MYEF2: variants seen among roughly 807,000 people sequenced by gnomAD.
MYEF2 encodes myelin expression factor 2.
In MYEF2, 37 loss-of-function variants were observed where a neutral mutation model predicts 75.2. The observed-to-expected ratio is 0.49, with a 90% confidence interval of 0.38 to 0.65. MYEF2 has a LOEUF of 0.65. Among genes scored for constraint, MYEF2 ranks in the 30% least tolerant of loss-of-function variants. The pLI is 0.00. For synonymous variants in MYEF2, 195 were observed against 241.6 expected, an observed-to-expected ratio of 0.81 and a Z score of 1.79; for missense variants, 634 against 771.4, an observed-to-expected ratio of 0.82 and a Z score of 2.11.
At position 48,141,654 on chromosome 15, in the gene MYEF2, T is replaced by G. The variant is rs2039092066; in HGVS notation, c.*1254A>C. ...TACTTTGAAGGGGGAAAAAAGTGAC[T>G]CCAGAGGAAAAGTTTACTATTTAAT... On this transcript the variant is annotated 3_prime_UTR_variant, in exon 17 of 17. Transcript: ENST00000324324. The G allele has an allele frequency of 6.0e-6, 1 of 166,134 alleles. No homozygotes were observed. The highest frequency in any genetic ancestry group is 2.4e-5 in the African/African-American group (1 of 41,598). 10.3% of individuals were successfully genotyped at this position (166,134 alleles called of 1,614,324 possible).
rs772527555 is a variant in MYEF2, at chr15:48,151,083, G to GTAAAA, written c.1378+12_1378+16dup. ...CTCAAATATTACTGAATAAATTCTA[G>GTAAAA]TAAAATTTAAACCTACTTATTCCAG... On this transcript the variant is annotated intron_variant, in intron 14 of 16. Transcript: ENST00000324324. 1 of 1,564,302 alleles carries GTAAAA rather than the reference G, an allele frequency of 6.4e-7. No homozygotes were observed. The highest frequency in any genetic ancestry group is 8.7e-7 in the Non-Finnish European group (1 of 1,145,552).
chr15:48,167,335 C>T lies in MYEF2; in HGVS notation c.423+14G>A. 1 of 1,612,334 alleles carries T rather than the reference C, an allele frequency of 6.2e-7. No individual in the cohort carries two copies. Among genetic ancestry groups the T allele is most frequent in the African/African-American group, 1.3e-5 (1 of 75,000 alleles). Reference sequence around the variant, plus strand: ...CTTTTAAACCTCAAGCAGATTATTGCCCACAGCACTTACCCTTGATTTTCC... The same window carrying T: ...CTTTTAAACCTCAAGCAGATTATTGTCCACAGCACTTACCCTTGATTTTCC... On this transcript the variant is annotated intron_variant, in intron 3 of 16. Transcript: ENST00000324324.
chr15:48,170,360 T>C (rs8036007), intron 1 of MYEF2, among the ~76,000 whole-genome samples: 150,755 of 151,860 alleles, frequency 0.99, 74,844 homozygotes, highest in South Asian at 1. Context: ...TCCTGACCTC[T>C]GGTGATCCAC....
rs752402074 is a variant in MYEF2 at position 48,139,072 on chromosome 15, T to C, written c.*3836A>G. ...TACTTTTTCTAACCACACCAGATTG[T>C]AGAAAAAAGTTTTGGAAAAACTACT... On this transcript the variant is annotated 3_prime_UTR_variant, in exon 17 of 17. Coordinates refer to ENST00000324324, the MANE Select transcript of MYEF2 (RefSeq NM_016132.5). 15 of 1,612,968 alleles carry C rather than the reference T, an allele frequency of 9.3e-6. No homozygotes were observed. The highest frequency in any genetic ancestry group is 1.7e-5 in the Admixed American group (1 of 59,970).
chr15:48,166,023 C>T lies in MYEF2; in HGVS notation c.435G>A (p.Val145=), dbSNP rs2040120140. The T allele has an allele frequency of 1.3e-6, 2 of 1,590,266 alleles. No homozygotes were observed. Among genetic ancestry groups the T allele is most frequent in the South Asian group, 1.1e-5 (1 of 87,090 alleles). ...DAEGKSRGCG[V]VEFKDEEFVK... ...CAAATTCTTCATCTTTGAATTCAAC[C>T]ACACTTAATAGGGAAAAAATTTATA... The change falls in exon 5 of 17, where the codon GTG becomes GTA. Residue 145 remains valine, a synonymous_variant. Coordinates refer to ENST00000324324, the MANE Select transcript of MYEF2 (RefSeq NM_016132.5).
At chr15:48,152,029 G>T in intron 11 of MYEF2, 87 bp from the exon 12 acceptor site, 1 of 1,346,246 alleles carries the variant, frequency 7.4e-7, no homozygotes, top group Non-Finnish European at 1.1e-6. Context: ...TCACCAGTAA[G>T]CTCTTCATCC....
chr15:48,139,212 A>G lies in MYEF2; in HGVS notation c.*3696T>C. On this transcript the variant is annotated 3_prime_UTR_variant, in exon 17 of 17. Coordinates refer to ENST00000324324, the MANE Select transcript of MYEF2 (RefSeq NM_016132.5). Reference sequence around the variant, plus strand: ...AAGTACAATAGCACAACTTGAAAATATTCATATAAGAACAAATTGCATATG... The same window carrying G: ...AAGTACAATAGCACAACTTGAAAATGTTCATATAAGAACAAATTGCATATG... The G allele has an allele frequency of 6.5e-7, 1 of 1,537,766 alleles. No individual in the cohort carries two copies. The highest frequency in any genetic ancestry group is 8.9e-7 in the Non-Finnish European group (1 of 1,117,924).
intron 5 of MYEF2, 54 bp downstream of exon 5, chr15:48,165,879 G>A: frequency 7.7e-7 from 1 of 1,298,860 alleles, no homozygotes; most frequent in South Asian, 1.4e-5. Context: ...GAAAATCCAA[G>A]GAAAACATGT....
intron 1 of MYEF2, among the ~76,000 whole-genome samples, chr15:48,176,070 CTG>C (rs2140949161): frequency 6.6e-6 from 1 of 152,172 alleles, no homozygotes; most frequent in Non-Finnish European, 1.5e-5. Context: ...AAGCAGTACT[CTG>C]TTCAATTCCA....
chr15:48,143,830 A>T (rs565768030), intron 16 of MYEF2, among the ~76,000 whole-genome samples: 1 of 152,230 alleles, frequency 6.6e-6, no homozygotes, highest in Non-Finnish European at 1.5e-5. Flanking sequence ...ATTTGAAGTA[A>T]ATCAATACCA....
intron 1 of MYEF2, among the ~76,000 whole-genome samples, chr15:48,174,856 G>C (rs2040461114): frequency 6.6e-6 from 1 of 152,020 alleles, no homozygotes; most frequent in African/African-American, 2.4e-5. Flanking sequence ...CATTGGTACA[G>C]CCATTATGGA....
At chr15:48,144,344 C>G (rs2039200251) in intron 16 of MYEF2, among the ~76,000 whole-genome samples, 1 of 151,988 alleles carries the variant, frequency 6.6e-6, no homozygotes, top group African/African-American at 2.4e-5. Context: ...TTTATACTTT[C>G]ACTTTTTCAT....
chr15:48,155,030 T>G (rs2039639493), intron 9 of MYEF2, among the ~76,000 whole-genome samples: 1 of 152,014 alleles, frequency 6.6e-6, no homozygotes, highest in East Asian at 1.9e-4. Context: ...AAATAAGTAT[T>G]TGTAAGACAA....
In MYEF2 at chr15:48,138,734, T is replaced by C. The variant is rs552870439; in HGVS notation, c.*4174A>G. 6 of 457,706 alleles carry C rather than the reference T, an allele frequency of 1.3e-5. No individual in the cohort carries two copies. The South Asian group carries it at 1.5e-4, about 12-fold the overall frequency. The allele number at this position is 457,706 out of a possible 1,614,324, so 28.4% of individuals were successfully genotyped here. The stretch of plus-strand genomic sequence containing the variant: ...TAACGAATGGCCCAAGACATTTTTA[T>C]AGATTTAAGGCCCCAAATAAAGAAA... On this transcript the variant is annotated 3_prime_UTR_variant, in exon 17 of 17. Coordinates refer to ENST00000324324, the MANE Select transcript of MYEF2 (RefSeq NM_016132.5).
intron 5 of MYEF2, among the ~76,000 whole-genome samples, chr15:48,165,295 A>G (rs1236899841): frequency 6.6e-6 from 1 of 152,152 alleles, no homozygotes; most frequent in African/African-American, 2.4e-5. Flanking sequence ...GGAACCTATG[A>G]AGATGAGTGC....
chr15:48,164,139 A>T (rs2040052202), intron 5 of MYEF2, among the ~76,000 whole-genome samples: 1 of 152,208 alleles, frequency 6.6e-6, no homozygotes, highest in Non-Finnish European at 1.5e-5. Flanking sequence ...AAAGTAAATT[A>T]AAAACCTTCT....
chr15:48,162,354 C>T (rs1249401738), intron 5 of MYEF2, among the ~76,000 whole-genome samples: 2 of 152,114 alleles, frequency 1.3e-5, no homozygotes, highest in Non-Finnish European at 2.9e-5. Flanking sequence ...AAATGGTTTA[C>T]ATATATTAAC....
At chr15:48,171,678 T>C (rs944418854) in intron 1 of MYEF2, among the ~76,000 whole-genome samples, 1 of 152,098 alleles carries the variant, frequency 6.6e-6, no homozygotes, top group African/African-American at 2.4e-5. Flanking sequence ...ATTAAGAAAC[T>C]GAGCCATAAT....
intron 6 of MYEF2, 113 bp downstream of exon 6, chr15:48,159,500 T>C (rs2039849681): frequency 1.2e-6 from 1 of 859,194 alleles, no homozygotes; most frequent in Admixed American, 2.6e-5. Flanking sequence ...AATTACTATT[T>C]CACTTACTTT....
Sources: gnomAD v4.1 joint callset for allele counts (sites outside exome capture counted in the v4.1 genomes callset) on GRCh38, gnomAD v4.1.1 for gene constraint, MANE v1.5 for transcripts, NCBI Gene and HGNC (gene_info 2026-07-23, HGNC 2026-07-21) for gene names.